The following TMEM178B variants were observed in gnomAD, a reference collection of about 807,000 sequenced individuals.
The protein encoded by TMEM178B is transmembrane protein 178B.
Under a neutral mutation model 31.0 loss-of-function variants are expected in TMEM178B, and 5 were observed. The observed-to-expected ratio is 0.16, with a 90% CI of 0.08 to 0.34. The LOEUF (loss-of-function observed/expected upper bound fraction) is 0.34, where lower values mean the gene tolerates loss of function less well. Ranked by LOEUF, TMEM178B falls within the 10% of genes least tolerant of loss-of-function variation. TMEM178B has a pLI of 1.00. For synonymous variants in TMEM178B, 164 were observed against 164.0 expected, an observed-to-expected ratio of 1.00 and a Z score of 0.00; for missense variants, 275 against 400.3, an observed-to-expected ratio of 0.69 and a Z score of 2.67.
the TMEM178B span, among the ~76,000 whole-genome samples, chr7:141,501,773 T>G: frequency 2.0e-5 from 3 of 152,176 alleles, no homozygotes; most frequent in African/African-American, 7.2e-5. Context: ...GCCTGCCAGG[T>G]TACCCTGCAG....
intron 3 of TMEM178B, among the ~76,000 whole-genome samples, chr7:141,467,320 T>C (rs1802162255): frequency 6.6e-6 from 1 of 152,112 alleles, no homozygotes; most frequent in African/African-American, 2.4e-5. Flanking sequence ...CTCACAAGCA[T>C]TGATGGCACT....
intron 2 of TMEM178B, among the ~76,000 whole-genome samples, chr7:141,262,753 C>T (rs1022883414): frequency 3.9e-5 from 6 of 152,172 alleles, no homozygotes; most frequent in Admixed American, 2.6e-4. Flanking sequence ...AAATATTAGG[C>T]GTAAGTGACT....
chr7:141,231,157 C>T (rs1043728790), intron 2 of TMEM178B, among the ~76,000 whole-genome samples: 1 of 152,124 alleles, frequency 6.6e-6, no homozygotes, highest in African/African-American at 2.4e-5. Context: ...GAGACATTGT[C>T]CTGTTTGCCT....
intron 3 of TMEM178B, among the ~76,000 whole-genome samples, chr7:141,470,290 G>A (rs982005665): frequency 3.3e-5 from 5 of 152,120 alleles, no homozygotes; most frequent in Non-Finnish European, 5.9e-5. Flanking sequence ...GAGACTTCCC[G>A]AGTGTGTCCA....
chr7:141,318,708 G>T lies in TMEM178B; in HGVS notation c.496+106004G>T, dbSNP rs10488012. Among the ~76,000 whole-genome samples the T allele has an allele frequency of 0.13, 20,360 of 152,164 alleles. 1,710 individuals carry two copies. The highest frequency in any genetic ancestry group is 0.19 in the Non-Finnish European group (12,724 of 68,008). On this transcript the variant is annotated intron_variant, in intron 2 of 3. Transcript: ENST00000565468. The surrounding 1 kb of genome is among the most constrained non-coding windows in gnomAD (Gnocchi z 4.1). The stretch of plus-strand genomic sequence containing the variant: ...GTCTGTCTGATTCACAGCTCATCTT[G>T]ATCTTACAATATCTGCTACCTTATA...
chr7:141,504,513 G>A, the TMEM178B span, among the ~76,000 whole-genome samples: 2 of 152,160 alleles, frequency 1.3e-5, no homozygotes, highest in Admixed American at 6.5e-5. Flanking sequence ...TTTCCTATAT[G>A]AGAGAAGTGT....
intron 2 of TMEM178B, among the ~76,000 whole-genome samples, chr7:141,296,862 G>T (rs578092321): frequency 1.3e-5 from 2 of 152,300 alleles, no homozygotes; most frequent in African/African-American, 4.8e-5. Context: ...GCCTTTGCAG[G>T]CTACAGGGTC....
In TMEM178B at chr7:141,099,133, A is replaced by G. The variant is rs189644210; in HGVS notation, c.382+24441A>G. On this transcript the variant is annotated intron_variant, in intron 1 of 3. Transcript: ENST00000565468. ...TTTGGAGATCCCAGCCTCCTCCTTCAGAATATTTTCCTCCTTGATATGAAT... is the reference window on the plus strand; with the variant it reads ...TTTGGAGATCCCAGCCTCCTCCTTCGGAATATTTTCCTCCTTGATATGAAT... Among the ~76,000 whole-genome samples, 385 of 152,342 alleles carry G rather than the reference A, an allele frequency of 2.5e-3. 2 individuals are homozygous for G. Among genetic ancestry groups the G allele is most frequent in the Non-Finnish European group, 2.6e-3 (178 of 68,026 alleles).
chr7:141,219,241 C>A (rs552743899), intron 2 of TMEM178B, among the ~76,000 whole-genome samples: 1 of 152,286 alleles, frequency 6.6e-6, no homozygotes, highest in South Asian at 2.1e-4. Context: ...GGTGAGGGCT[C>A]AGAATCCAGG....
intron 2 of TMEM178B, among the ~76,000 whole-genome samples, chr7:141,282,293 G>T (rs1798378404): frequency 6.6e-6 from 1 of 152,334 alleles, no homozygotes; most frequent in African/African-American, 2.4e-5. Context: ...CAATTGTGAG[G>T]CTTCTGTAAC....
At chr7:141,300,130 C>T (rs1300989221) in intron 2 of TMEM178B, among the ~76,000 whole-genome samples, 1 of 152,134 alleles carries the variant, frequency 6.6e-6, no homozygotes, top group Non-Finnish European at 1.5e-5. Flanking sequence ...ACATATTTCA[C>T]ACAAAAATTA....
intron 1 of TMEM178B, among the ~76,000 whole-genome samples, chr7:141,120,892 G>A (rs1795397333): frequency 6.6e-6 from 1 of 151,946 alleles, no homozygotes; most frequent in Non-Finnish European, 1.5e-5. Flanking sequence ...TTGAGCCCAT[G>A]AGGTCAAGGC....
At chr7:141,412,433 A>C (rs1357396460) in intron 2 of TMEM178B, among the ~76,000 whole-genome samples, 1 of 152,174 alleles carries the variant, frequency 6.6e-6, no homozygotes, top group Non-Finnish European at 1.5e-5. Flanking sequence ...AGTGGAGGCA[A>C]GTTCAGAAGA....
chr7:141,156,630 C>T (rs980633276), intron 1 of TMEM178B, among the ~76,000 whole-genome samples: 5 of 152,196 alleles, frequency 3.3e-5, no homozygotes, highest in African/African-American at 7.2e-5. Flanking sequence ...CTTGTTTAGA[C>T]GGATCAACTC....
At chr7:141,301,216 T>C (rs1798719296) in intron 2 of TMEM178B, among the ~76,000 whole-genome samples, 1 of 152,220 alleles carries the variant, frequency 6.6e-6, no homozygotes, top group East Asian at 1.9e-4. Context: ...TAGCATTTCC[T>C]TTTATGCCAC....
intron 1 of TMEM178B, among the ~76,000 whole-genome samples, chr7:141,075,496 A>T (rs1331579348): frequency 1.3e-5 from 2 of 152,260 alleles, no homozygotes; most frequent in Non-Finnish European, 2.9e-5. Context: ...TTGATACTTT[A>T]ATATGATCAC....
At chr7:141,345,519 G>A (rs1439510296) in intron 2 of TMEM178B, among the ~76,000 whole-genome samples, 1 of 152,198 alleles carries the variant, frequency 6.6e-6, no homozygotes, top group Admixed American at 6.5e-5. Context: ...GTGAATGATA[G>A]AGTTATCACA....
chr7:141,124,833 A>G (rs1795463876), intron 1 of TMEM178B, among the ~76,000 whole-genome samples: 1 of 152,234 alleles, frequency 6.6e-6, no homozygotes, highest in Non-Finnish European at 1.5e-5. Context: ...ACCTTTCAGA[A>G]AAAGATTACA....
At chr7:141,300,459 G>A (rs190151065) in intron 2 of TMEM178B, among the ~76,000 whole-genome samples, 3 of 152,244 alleles carry the variant, frequency 2.0e-5, no homozygotes, top group Non-Finnish European at 4.4e-5. Context: ...CACACACCTG[G>A]TCCACTAGAA....
Sources: allele counts gnomAD v4.1 joint callset (sites outside exome capture counted in the v4.1 genomes callset), GRCh38; gene constraint gnomAD v4.1.1; non-coding constraint Gnocchi (gnomAD v3.1); transcripts MANE v1.5; gene names NCBI Gene and HGNC (gene_info 2026-07-23, HGNC 2026-07-21).